Variants in ZNF205 observed in about 807,000 individuals in gnomAD.
The protein encoded by ZNF205 is zinc finger protein 205.
ZNF205 carries 32 observed loss-of-function variants against 53.6 expected under a neutral mutation model. The ratio of observed to expected loss-of-function variants is 0.60; its 90% confidence interval spans 0.45 to 0.80. ZNF205 has a LOEUF of 0.80. ZNF205 is among the 30% of genes least tolerant of loss of function. The probability of loss-of-function intolerance (pLI) is 0.00; values close to 1 mark genes in which losing one functional copy is unlikely to be tolerated. For synonymous variants in ZNF205, 382 were observed against 334.3 expected, an observed-to-expected ratio of 1.14 and a Z score of -1.56; for missense variants, 836 against 782.4, an observed-to-expected ratio of 1.07 and a Z score of -0.82.
At position 3,119,239 on chromosome 16, in the gene ZNF205, C is replaced by T. The variant is rs1327917668; in HGVS notation, c.596-17C>T. 1.3e-6 allele frequency: 2 copies of T among 1,561,136 alleles called. No homozygotes were observed. Among genetic ancestry groups the T allele is most frequent in the Admixed American group, 1.9e-5 (1 of 52,912 alleles). On this transcript the variant is annotated splice_polypyrimidine_tract_variant and intron_variant, in intron 6 of 6. Coordinates refer to ENST00000219091, the MANE Select transcript of ZNF205 (RefSeq NM_001042428.2). ...AGGGAAGCTCGTCCCTAGCTGGAAA[C>T]GACTTTCTTTTTCCAGGAGCCGTCG... is the stretch of plus-strand genomic sequence containing the variant.
At chr16:3,118,311 T>C (rs569401716) in intron 5 of ZNF205, among the ~76,000 whole-genome samples, 1 of 152,188 alleles carries the variant, frequency 6.6e-6, no homozygotes, top group East Asian at 1.9e-4. Flanking sequence ...GGTTCCCCAG[T>C]GCCTGGGCCA....
Position 3,119,295 on chromosome 16 carries a change from T to C in ZNF205, c.635T>C (p.Val212Ala), listed in dbSNP as rs556593026. The C allele has an allele frequency of 2.5e-6, 4 of 1,609,686 alleles. No homozygotes were observed. In the Admixed American group the frequency reaches 5.0e-5, roughly 20 times the overall value. Residue 212 changes from valine to alanine, a missense_variant, in exon 7 of 7, where the codon GTG becomes GCG. By Grantham distance (64) the Val-to-Ala change is moderately conservative. Coordinates refer to ENST00000219091, the MANE Select transcript of ZNF205 (RefSeq NM_001042428.2). Reference protein sequence around the residue: ...EVGQRVQTSSVAALGNVKPFR... With the variant: ...EVGQRVQTSSAAALGNVKPFR... Reference sequence around the variant, plus strand: ...GGGCAGAGGGTGCAGACCTCATCCGTGGCAGCCCTTGGGAATGTGAAGCCC... The same window carrying C: ...GGGCAGAGGGTGCAGACCTCATCCGCGGCAGCCCTTGGGAATGTGAAGCCC...
chr16:3,113,889 G>A (rs1957305244), intron 2 of ZNF205, among the ~76,000 whole-genome samples: 2 of 152,056 alleles, frequency 1.3e-5, no homozygotes, highest in South Asian at 2.1e-4. Flanking sequence ...GTGTGCGTGC[G>A]TGGTTGAGTG....
chr16:3,116,888 G>C (rs1010032456), intron 5 of ZNF205, among the ~76,000 whole-genome samples: 1 of 152,106 alleles, frequency 6.6e-6, no homozygotes, highest in Admixed American at 6.5e-5. Flanking sequence ...TCCGCCTCCC[G>C]GGTTCATGCC....
intron 3 of ZNF205, 46 bp downstream of exon 3, chr16:3,115,614 T>A: frequency 6.5e-7 from 1 of 1,533,096 alleles, no homozygotes; most frequent in South Asian, 1.3e-5. Context: ...GAGGCAGCTG[T>A]GGGGAGGTGG....
intron 3 of ZNF205, 118 bp from the exon 4 acceptor site, chr16:3,115,711 G>C (rs552756161): frequency 2.2e-6 from 3 of 1,390,178 alleles, no homozygotes; most frequent in South Asian, 2.8e-5. Context: ...CCCTGGCAGC[G>C]TCAGAGCCAT....
chr16:3,119,717 C>T lies in ZNF205; in HGVS notation c.1057C>T (p.Gln353Ter), dbSNP rs1957396818. ...KRFGRSSHLI[Q>*]HQIIHTGEKP... ...CTTCGGCCGCAGCTCGCACCTCATC[C>T]AGCACCAGATCATCCACACGGGCGA... The change falls in exon 7 of 7, where the codon CAG becomes TAG. Residue 353 changes from glutamine (Q) to a stop codon, truncating the protein, a stop_gained. Transcript: ENST00000219091. LOFTEE classifies it high-confidence loss of function. 6.2e-7 allele frequency: 1 copy of T among 1,612,836 alleles called. No homozygotes were observed.
At chr16:3,113,565 G>C (rs1957299963) in intron 2 of ZNF205, 78 bp downstream of exon 2, 1 of 1,534,292 alleles carries the variant, frequency 6.5e-7, no homozygotes, top group Non-Finnish European at 8.9e-7. Flanking sequence ...ACAGAGTCTG[G>C]ACCCCTGGAA....
Position 3,120,115 on chromosome 16 carries a change from C to T in ZNF205, c.1455C>T (p.Phe485=). ...PYHCLDCGKS[F]SHSSHLTAHQ... ...ACTGCCTCGACTGCGGCAAGAGCTTCAGCCACAGCTCGCACCTCACCGCGC... is the reference window on the plus strand; with the variant it reads ...ACTGCCTCGACTGCGGCAAGAGCTTTAGCCACAGCTCGCACCTCACCGCGC... Residue 485 remains phenylalanine (F), a synonymous_variant, in exon 7 of 7, where the codon TTC becomes TTT. Transcript: ENST00000219091. The T allele has an allele frequency of 1.9e-6, 3 of 1,613,776 alleles. No homozygotes were observed. Among genetic ancestry groups the T allele is most frequent in the Non-Finnish European group, 2.5e-6 (3 of 1,179,834 alleles).
At chr16:3,116,326 T>C in intron 4 of ZNF205, 101 bp from the exon 5 acceptor site, 1 of 1,541,294 alleles carries the variant, frequency 6.5e-7, no homozygotes, top group South Asian at 1.2e-5. Context: ...CTCGACACAG[T>C]GGGTTGGGAG....
chr16:3,119,607 G>T lies in ZNF205; in HGVS notation c.947G>T (p.Gly316Val), dbSNP rs200878013. The T allele has an allele frequency of 1.3e-5, 21 of 1,610,550 alleles. No individual in the cohort carries two copies. In the Admixed American group the frequency reaches 2.5e-4, roughly 19 times the overall value. The change falls in exon 7 of 7, where the codon GGC (glycine) becomes GTC (valine). Residue 316 changes from glycine to valine, a missense_variant. Gly to Val is a moderately radical substitution (Grantham distance 109). Coordinates refer to ENST00000219091, the MANE Select transcript of ZNF205 (RefSeq NM_001042428.2). ...KSYRCEQCGK[G>V]FSWHSHLVTH... ...TACCGGTGCGAGCAGTGCGGCAAGG[G>T]CTTCAGCTGGCACTCGCACCTGGTG... is the stretch of plus-strand genomic sequence containing the variant.
At chr16:3,117,933 C>G (rs1957365158) in intron 5 of ZNF205, among the ~76,000 whole-genome samples, 1 of 149,632 alleles carries the variant, frequency 6.7e-6, no homozygotes, top group Non-Finnish European at 1.5e-5. Context: ...ACTGCAACCT[C>G]TGCCTCCTGG....
rs368319158 is a variant in ZNF205, at chr16:3,120,013, C to A, written c.1353C>A (p.Pro451=). 6.2e-7 allele frequency: 1 copy of A among 1,613,064 alleles called. No individual in the cohort carries two copies. Among genetic ancestry groups the A allele is most frequent in the South Asian group, 1.1e-5 (1 of 91,042 alleles). Residue 451 remains proline, a synonymous_variant, in exon 7 of 7, where the codon CCC becomes CCA. Transcript: ENST00000219091. ...CTGGGGTCAAGCCCTATCCGTGCCC[C>A]GAGTGCGGCAAGTGCTTCAGCCAGC... ...THTGVKPYPC[P]ECGKCFSQRS... is the part of the protein sequence containing the mutation.
At chr16:3,118,528 G>C (rs1012137593) in intron 5 of ZNF205, among the ~76,000 whole-genome samples, 2 of 152,198 alleles carry the variant, frequency 1.3e-5, no homozygotes, top group Non-Finnish European at 2.9e-5. Flanking sequence ...TGACAAATGG[G>C]ATGACCTTAG....
Position 3,119,256 on chromosome 16 carries a change from G to A in ZNF205, c.596G>A (p.Gly199Glu). ...DEKEWRGACT[G>E]AVEVGQRVQT... Reference sequence around the variant, plus strand: ...GCTGGAAACGACTTTCTTTTTCCAGGAGCCGTCGAGGTGGGGCAGAGGGTG... The same window carrying A: ...GCTGGAAACGACTTTCTTTTTCCAGAAGCCGTCGAGGTGGGGCAGAGGGTG... The change falls in exon 7 of 7, where the codon GGA becomes GAA. Residue 199 changes from glycine to glutamate, a missense_variant and splice_region_variant. Coordinates refer to ENST00000219091, the MANE Select transcript of ZNF205 (RefSeq NM_001042428.2). The A allele has an allele frequency of 6.4e-7, 1 of 1,569,730 alleles. No homozygotes were observed. Among genetic ancestry groups the A allele is most frequent in the South Asian group, 1.2e-5 (1 of 86,448 alleles).
Position 3,119,956 on chromosome 16 carries a change from C to T in ZNF205, c.1296C>T (p.Ser432=). 7 of 1,613,618 alleles carry T rather than the reference C, an allele frequency of 4.3e-6. No individual in the cohort carries two copies. Among genetic ancestry groups the T allele is most frequent in the Non-Finnish European group, 5.9e-6 (7 of 1,179,930 alleles). Residue 432 remains serine (S), a synonymous_variant, in exon 7 of 7, where the codon AGC becomes AGT. Coordinates refer to ENST00000219091, the MANE Select transcript of ZNF205 (RefSeq NM_001042428.2). The stretch of plus-strand genomic sequence containing the variant: ...TCTGCGCCAAGTGCTTCACGCAGAG[C>T]TCGGCGCTAGTCACCCACCAGCGCA... ...CPICAKCFTQ[S]SALVTHQRTH... is the part of the protein sequence containing the mutation.
intron 5 of ZNF205, 72 bp from the exon 6 acceptor site, chr16:3,118,833 T>G: frequency 1.3e-6 from 2 of 1,507,120 alleles, no homozygotes; most frequent in Non-Finnish European, 1.8e-6. Flanking sequence ...GCCCATCAGT[T>G]TTGGGGAGAT....
rs756402017 is a variant in ZNF205 at position 3,119,289 on chromosome 16, C to T, written c.629C>T (p.Ser210Leu). The T allele has an allele frequency of 4.4e-6, 7 of 1,608,856 alleles. No homozygotes were observed. The South Asian group carries it at 4.4e-5, about 10-fold the overall frequency. ...AVEVGQRVQT[S>L]SVAALGNVKP... is the part of the protein sequence containing the mutation. ...GAGGTGGGGCAGAGGGTGCAGACCT[C>T]ATCCGTGGCAGCCCTTGGGAATGTG... Residue 210 changes from serine to leucine, a missense_variant, in exon 7 of 7, where the codon TCA becomes TTA. Ser to Leu is a moderately radical substitution (Grantham distance 145). Coordinates refer to ENST00000219091, the MANE Select transcript of ZNF205 (RefSeq NM_001042428.2).
chr16:3,119,270 G>A lies in ZNF205; in HGVS notation c.610G>A (p.Gly204Arg), dbSNP rs1322760997. ...RGACTGAVEV[G>R]QRVQTSSVAA... ...TCTTTTTCCAGGAGCCGTCGAGGTGGGGCAGAGGGTGCAGACCTCATCCGT... is the reference window on the plus strand; with the variant it reads ...TCTTTTTCCAGGAGCCGTCGAGGTGAGGCAGAGGGTGCAGACCTCATCCGT... Residue 204 changes from glycine to arginine, a missense_variant, in exon 7 of 7, where the codon GGG becomes AGG. By Grantham distance (125) the Gly-to-Arg change is moderately radical (BLOSUM62 -2). Coordinates refer to ENST00000219091, the MANE Select transcript of ZNF205 (RefSeq NM_001042428.2). The A allele has an allele frequency of 1.3e-6, 2 of 1,582,112 alleles. No homozygotes were observed. The highest frequency in any genetic ancestry group is 1.7e-6 in the Non-Finnish European group (2 of 1,162,420).
Sources: gnomAD v4.1 joint callset for allele counts (sites outside exome capture counted in the v4.1 genomes callset) on GRCh38, gnomAD v4.1.1 for gene constraint, MANE v1.5 for transcripts, NCBI Gene and HGNC (gene_info 2026-07-23, HGNC 2026-07-21) for gene names.